Variants in ANXA4 observed in about 807,000 individuals in gnomAD.
The protein encoded by ANXA4 is 35-beta calcimedin.
ANXA4 carries 39 observed loss-of-function variants against 49.8 expected under a neutral mutation model. The ratio of observed to expected loss-of-function variants is 0.78; its 90% CI spans 0.61 to 1.02. ANXA4 has a LOEUF of 1.02. Ranked by LOEUF, ANXA4 falls within the 50% of genes least tolerant of loss-of-function variation. The probability of loss-of-function intolerance (pLI) is 0.00; values close to 1 mark genes in which losing one functional copy is unlikely to be tolerated. For missense variants in ANXA4, 360 were observed against 410.1 expected (o/e 0.88, Z 1.05); for synonymous variants, 134 against 152.5 (o/e 0.88, Z 0.89).
chr2:69,699,599 G>A (rs1197233911), intron 2 of ANXA4, among the ~76,000 whole-genome samples: 5 of 152,070 alleles, frequency 3.3e-5, no homozygotes, highest in Admixed American at 2.6e-4. Context: ...ATGCCACTGT[G>A]TTCCAGCCTA....
At chr2:69,823,067 T>C (rs1241801578) in intron 12 of ANXA4, among the ~76,000 whole-genome samples, 1 of 149,698 alleles carries the variant, frequency 6.7e-6, no homozygotes, top group Non-Finnish European at 1.5e-5. Context: ...AATAATATGG[T>C]ATTATAGTAT....
chr2:69,814,342 C>CTTTTTTTTTTT (rs781253870), intron 8 of ANXA4, among the ~76,000 whole-genome samples: 3 of 97,302 alleles, frequency 3.1e-5, no homozygotes, highest in Non-Finnish European at 5.6e-5. Context: ...GTATTTTATT[C>CTTTTTTTTTTT]TTTTTTTTTT....
chr2:69,820,024 C>T (rs1165450539), intron 11 of ANXA4, among the ~76,000 whole-genome samples: 1 of 150,656 alleles, frequency 6.6e-6, no homozygotes, highest in African/African-American at 2.4e-5. Flanking sequence ...GCTGAAATTG[C>T]ACTACTGCAC....
chr2:69,667,973 C>T (rs1038804511), intron 2 of ANXA4, among the ~76,000 whole-genome samples: 33 of 152,184 alleles, frequency 2.2e-4, no homozygotes, highest in Non-Finnish European at 5.9e-5. Flanking sequence ...CACTAGTGAG[C>T]ATGCAGAAAT....
At chr2:69,788,724 G>T (rs1672528918) in intron 3 of ANXA4, among the ~76,000 whole-genome samples, 1 of 151,680 alleles carries the variant, frequency 6.6e-6, no homozygotes, top group South Asian at 2.1e-4. Context: ...TGTAGTCCCA[G>T]CTACTCAGGA....
intron 2 of ANXA4, among the ~76,000 whole-genome samples, chr2:69,707,346 T>C (rs560074729): frequency 3.1e-4 from 47 of 152,298 alleles, no homozygotes; most frequent in African/African-American, 1.1e-3. Context: ...CAGTAATGTG[T>C]ACAAAACAGC....
At chr2:69,758,976 T>C (rs999880135) in intron 1 of ANXA4, among the ~76,000 whole-genome samples, 3 of 151,828 alleles carry the variant, frequency 2.0e-5, no homozygotes, top group Middle Eastern at 6.8e-3. Context: ...CTACTAAAAG[T>C]GTTCTAAAAA....
intron 1 of ANXA4, among the ~76,000 whole-genome samples, chr2:69,779,961 A>G (rs1043804168): frequency 6.6e-6 from 1 of 152,174 alleles, no homozygotes; most frequent in African/African-American, 2.4e-5. Flanking sequence ...GCAATGAATG[A>G]TGGGAAACAG....
At chr2:69,750,733 T>C (rs1203385017) in intron 1 of ANXA4, among the ~76,000 whole-genome samples, 2 of 152,160 alleles carry the variant, frequency 1.3e-5, no homozygotes, top group Non-Finnish European at 2.9e-5. Context: ...TTTTAAATGG[T>C]CTGATTGGTT....
chr2:69,738,744 G>A (rs1025830431), upstream of ANXA4, among the ~76,000 whole-genome samples: 1 of 152,210 alleles, frequency 6.6e-6, no homozygotes, highest in Non-Finnish European at 1.5e-5. Context: ...AGGGGCATGT[G>A]TAGATGCTCT....
At chr2:69,800,650 G>C (rs1013020114) in intron 3 of ANXA4, among the ~76,000 whole-genome samples, 1 of 152,190 alleles carries the variant, frequency 6.6e-6, no homozygotes, top group Admixed American at 6.5e-5. Flanking sequence ...TGTTAAAATG[G>C]ACCTTGGGAG....
At chr2:69,804,348 A>T (rs1414820470) in intron 3 of ANXA4, among the ~76,000 whole-genome samples, 185 bp from the exon 4 acceptor site, 1 of 152,178 alleles carries the variant, frequency 6.6e-6, no homozygotes, top group African/African-American at 2.4e-5. Context: ...CAGCTAATTA[A>T]AGGAGAGGCT....
intron 2 of ANXA4, among the ~76,000 whole-genome samples, chr2:69,711,877 C>T (rs188838025): frequency 9.4e-5 from 14 of 149,476 alleles, no homozygotes; most frequent in Admixed American, 4.7e-4. Context: ...AATGAGGGCA[C>T]AGAGAGAGAA....
At chr2:69,788,210 C>T (rs1490277858) in intron 3 of ANXA4, 69 bp downstream of exon 3, 6 of 1,423,370 alleles carry the variant, frequency 4.2e-6, no homozygotes, top group Non-Finnish European at 9.9e-7. Context: ...AGGAGGGTGC[C>T]ATGTCTGCTG....
chr2:69,766,282 C>T (rs1671491605), intron 1 of ANXA4, among the ~76,000 whole-genome samples: 1 of 152,194 alleles, frequency 6.6e-6, no homozygotes, highest in Admixed American at 6.5e-5. Context: ...ATAAAGATTA[C>T]TTGGAGAGAA....
At chr2:69,680,576 G>C (rs560543185) in intron 2 of ANXA4, among the ~76,000 whole-genome samples, 2 of 152,242 alleles carry the variant, frequency 1.3e-5, no homozygotes, top group East Asian at 3.9e-4. Flanking sequence ...TCCTTGTCTT[G>C]TTCCAGTTCT....
At chr2:69,647,722 A>T (rs1559035390) in intron 1 of ANXA4, among the ~76,000 whole-genome samples, 1 of 142,634 alleles carries the variant, frequency 7.0e-6, no homozygotes, top group Non-Finnish European at 1.6e-5. Flanking sequence ...TTTTAAAAAA[A>T]ATAATTATAT....
chr2:69,645,087 A>T (rs114020371), intron 1 of ANXA4, among the ~76,000 whole-genome samples: 2,356 of 151,680 alleles, frequency 0.016, 59 homozygotes, highest in African/African-American at 0.055. Context: ...TTGTCTCAGA[A>T]TTTTTTTTTC....
chr2:69,681,198 C>A (rs528687359), intron 2 of ANXA4, among the ~76,000 whole-genome samples: 1 of 152,142 alleles, frequency 6.6e-6, no homozygotes, highest in African/African-American at 2.4e-5. Context: ...TTGGTCTGTT[C>A]AGGTTTCCAT....
Sources: allele counts gnomAD v4.1 joint callset (sites outside exome capture counted in the v4.1 genomes callset), GRCh38; gene constraint gnomAD v4.1.1; transcripts MANE v1.5; gene names NCBI Gene and HGNC (gene_info 2026-07-23, HGNC 2026-07-21).